Variants in NOX1 observed in about 807,000 individuals in gnomAD.
NOX1 encodes NADPH oxidase 1.
Under a neutral mutation model 42.5 loss-of-function variants are expected in NOX1, and 34 were observed. The observed-to-expected ratio is 0.80, with a 90% CI of 0.61 to 1.07. The LOEUF is 1.07. NOX1 is among the 50% of genes least tolerant of loss of function. The pLI is 0.00. For synonymous variants in NOX1, 143 were observed against 152.5 expected (o/e 0.94, Z 0.46); for missense variants, 408 against 427.0 (o/e 0.96, Z 0.39).
At chrX:100,845,184 G>C (rs1436063651) in intron 12 of NOX1, among the ~76,000 whole-genome samples, 1 of 111,149 alleles carries the variant, frequency 9.0e-6, no homozygotes, top group Non-Finnish European at 1.9e-5. Flanking sequence ...CATCCGCAAA[G>C]AAACCCCATC....
intron 8 of NOX1, 114 bp downstream of exon 8, chrX:100,851,119 C>G (rs1394436748): frequency 1.7e-5 from 8 of 466,728 alleles, no homozygotes; most frequent in Non-Finnish European, 2.9e-5. Context: ...GGACTACCAC[C>G]CACTGTGCCC....
At position 100,862,713 on chromosome X, in the gene NOX1, T is replaced by C. The variant is rs202067532; in HGVS notation, c.445A>G (p.Lys149Glu). The C allele has an allele frequency of 8.4e-7, 1 of 1,195,929 alleles. No homozygotes were observed. The highest frequency in any genetic ancestry group is 3.0e-5 in the East Asian group (1 of 33,689). The change falls in exon 5 of 13, where the codon AAA (lysine) becomes GAA (glutamate). Residue 149 changes from lysine to glutamate, a missense_variant. Physicochemically the swap from Lys to Glu is moderately conservative, Grantham distance 56. Transcript: ENST00000372966. ...GGATTTAGCCAAGAACCCCCCTTTT[T>C]CTCATCATGAGATAGGCTGGAGAGA... is the stretch of plus-strand genomic sequence containing the variant. ...SILSSLSHDE[K>E]KGGSWLNPIQ...
At chrX:100,853,878 C>T (rs1479563504) in intron 7 of NOX1, among the ~76,000 whole-genome samples, 1 of 111,770 alleles carries the variant, frequency 8.9e-6, no homozygotes, top group African/African-American at 3.2e-5. Context: ...TGCGGTGGCT[C>T]ACGCCTGTAA....
At chrX:100,866,357 T>G (rs1423678973) in intron 2 of NOX1, among the ~76,000 whole-genome samples, 1 of 111,543 alleles carries the variant, frequency 9.0e-6, no homozygotes. Context: ...CCCAAACTCA[T>G]AGAACTGTAT....
At position 100,863,589 on chromosome X, in the gene NOX1, A is replaced by G. The variant is rs753305386; in HGVS notation, c.148T>C (p.Leu50=). Residue 50 remains leucine, a synonymous_variant, in exon 3 of 13, where the codon TTG becomes CTG. Coordinates refer to ENST00000372966, the MANE Select transcript of NOX1 (RefSeq NM_007052.5). The part of the protein sequence containing the change: ...YYTRKILGST[L]ACARASALCL... ...AGAGCAGACGCTCGGGCACAGGCCA[A>G]TGTTGACTACAGCAGAGGAGAAAAA... The G allele has an allele frequency of 7.5e-6, 9 of 1,206,790 alleles. No homozygotes were observed. The East Asian group carries it at 2.7e-4, about 36-fold the overall frequency.
intron 7 of NOX1, among the ~76,000 whole-genome samples, chrX:100,854,073 G>A (rs1009467433): frequency 3.6e-5 from 4 of 111,087 alleles, no homozygotes; most frequent in Non-Finnish European, 7.5e-5. Context: ...AACCCAGGAG[G>A]CAGAGGTTGC....
At chrX:100,873,526 T>C (rs1205126738) in intron 1 of NOX1, among the ~76,000 whole-genome samples, 1 of 112,211 alleles carries the variant, frequency 8.9e-6, no homozygotes, top group Non-Finnish European at 1.9e-5. Context: ...AAAATAAAAA[T>C]ATGTAAATTA....
intron 7 of NOX1, among the ~76,000 whole-genome samples, chrX:100,852,577 T>C (rs1166448900): frequency 1.8e-5 from 2 of 112,570 alleles, no homozygotes; most frequent in Non-Finnish European, 3.8e-5. Flanking sequence ...TTCCTAGCAA[T>C]ACTAAATTAT....
chrX:100,856,109 G>C, intron 7 of NOX1: 1 of 1,005,507 alleles, frequency 9.9e-7, no homozygotes, highest in Non-Finnish European at 1.4e-6. Context: ...ATCTTCTCTT[G>C]AGACAGTTCT....
In NOX1 at chrX:100,847,463, A is replaced by T. The variant is rs2085081223; in HGVS notation, c.1568+1167T>A. Among the ~76,000 whole-genome samples, 2 of 110,765 alleles carry T rather than the reference A, an allele frequency of 1.8e-5. 1 individual carries two copies. Among genetic ancestry groups the T allele is most frequent in the Admixed American group, 1.9e-4 (2 of 10,385 alleles). On this transcript the variant is annotated intron_variant, in intron 12 of 12. Transcript: ENST00000372966. ...AAAGCTTCTAGAATGGTGAGAGCTG[A>T]GCTTATAAAAGGTAACCAAGGCGGG...
At chrX:100,866,712 A>G (rs1309480905) in intron 2 of NOX1, among the ~76,000 whole-genome samples, 1 of 109,080 alleles carries the variant, frequency 9.2e-6, no homozygotes, top group Non-Finnish European at 1.9e-5. Flanking sequence ...AGGGATTTAA[A>G]AAATGAAATG....
At chrX:100,867,870 G>A (rs895359727) in intron 2 of NOX1, among the ~76,000 whole-genome samples, 1 of 108,946 alleles carries the variant, frequency 9.2e-6, no homozygotes, top group African/African-American at 3.3e-5. Context: ...AGAAAGAAAA[G>A]GAAGGAAGAA....
intron 2 of NOX1, among the ~76,000 whole-genome samples, chrX:100,867,222 T>C (rs976905834): frequency 9.0e-6 from 1 of 110,805 alleles, no homozygotes; most frequent in East Asian, 2.9e-4. Flanking sequence ...TTAGTAGAGA[T>C]GGGGTTTCAC....
chrX:100,867,215 G>A (rs893858777), intron 2 of NOX1, among the ~76,000 whole-genome samples: 6 of 110,654 alleles, frequency 5.4e-5, no homozygotes, highest in Non-Finnish European at 7.6e-5. Flanking sequence ...TGTATTTTTA[G>A]TAGAGATGGG....
Position 100,863,506 on chromosome X carries a change from G to A in NOX1, c.231C>T (p.Ser77=), listed in dbSNP as rs1283214629. ...ILLPVCRNLL[S]FLRGTCSFCS... ...TCACTGAGCAGGTGCCCCTCAGGAA[G>A]GACAGCAGATTGCGACACACAGGAA... Residue 77 remains serine (S), a synonymous_variant, in exon 3 of 13, where the codon TCC becomes TCT. Transcript: ENST00000372966. The A allele has an allele frequency of 8.3e-7, 1 of 1,208,679 alleles. No homozygotes were observed. The highest frequency in any genetic ancestry group is 1.1e-6 in the Non-Finnish European group (1 of 895,049).
chrX:100,873,316 G>A lies in NOX1; in HGVS notation c.45+779C>T, dbSNP rs868867645. 1.3e-4 allele frequency among the ~76,000 whole-genome samples: 14 copies of A among 111,351 alleles called. No individual in the cohort carries two copies. The South Asian group carries it at 3.5e-3, about 27-fold the overall frequency. On this transcript the variant is annotated intron_variant, in intron 1 of 12. Transcript: ENST00000372966. ...TGAACGTCATTGGGGAGCTGGGTTC[G>A]AGTGATGCCAATTCAGTCAATTCAT... is the stretch of plus-strand genomic sequence containing the variant.
At chrX:100,868,106 GC>G (rs964637574) in intron 2 of NOX1, among the ~76,000 whole-genome samples, 2 of 111,892 alleles carry the variant, frequency 1.8e-5, no homozygotes, top group African/African-American at 6.5e-5. Context: ...TATTTTTAAA[GC>G]AAATTAATAC....
intron 2 of NOX1, among the ~76,000 whole-genome samples, chrX:100,867,599 C>T (rs780856868): frequency 3.9e-4 from 43 of 111,441 alleles, no homozygotes; most frequent in Non-Finnish European, 6.8e-4. Context: ...GGCTTGGTGG[C>T]GCACACCTGT....
chrX:100,864,121 C>T (rs2085223866), intron 2 of NOX1, among the ~76,000 whole-genome samples: 1 of 111,479 alleles, frequency 9.0e-6, no homozygotes, highest in South Asian at 3.8e-4. Context: ...TCCTGAGTAG[C>T]TGGGACTACA....
Sources: allele counts gnomAD v4.1 joint callset (sites outside exome capture counted in the v4.1 genomes callset), GRCh38; gene constraint gnomAD v4.1.1; transcripts MANE v1.5; gene names NCBI Gene and HGNC (gene_info 2026-07-23, HGNC 2026-07-21).